The following KIF17 variants were observed in gnomAD, a reference collection of about 807,000 sequenced individuals.
KIF17 encodes kinesin family member 17.
In KIF17, 80 loss-of-function variants were observed where a neutral mutation model predicts 96.8. The ratio of observed to expected loss-of-function variants is 0.83; its 90% CI spans 0.69 to 1.00. The LOEUF is 1.00. KIF17 is among the 50% of genes least tolerant of loss of function. KIF17 has a pLI of 0.00. For missense variants in KIF17, 1,280 were observed against 1,372.9 expected (o/e 0.93, Z 1.07); for synonymous variants, 567 against 587.5 (o/e 0.97, Z 0.51).
At chr1:20,677,670 A>C (rs1448540481) in intron 11 of KIF17, among the ~76,000 whole-genome samples, 2 of 152,150 alleles carry the variant, frequency 1.3e-5, no homozygotes, top group Non-Finnish European at 2.9e-5. Flanking sequence ...CCTGGCCACC[A>C]CAGTGAAACC....
In KIF17 at chr1:20,682,811, G is replaced by T. The variant is rs376783254; in HGVS notation, c.2305C>A (p.Arg769=). 1.9e-6 allele frequency: 3 copies of T among 1,612,492 alleles called. No homozygotes were observed. The highest frequency in any genetic ancestry group is 2.7e-5 in the African/African-American group (2 of 74,946). Residue 769 remains arginine, a synonymous_variant, in exon 11 of 15, where the codon CGG becomes AGG. Transcript: ENST00000400463. ...KNKDLKEKHK[R]RKRYADERRK... ...CGCTCGTCTGCGTAGCGCTTGCGCC[G>T]CTTGTGCTTCTCCTTCAGGTCCTTG...
chr1:20,698,173 A>G (rs962935519), intron 6 of KIF17, among the ~76,000 whole-genome samples: 3 of 152,218 alleles, frequency 2.0e-5, no homozygotes, highest in Non-Finnish European at 2.9e-5. Context: ...TCTGGAGTCA[A>G]GAACTCAAGT....
intron 3 of KIF17, among the ~76,000 whole-genome samples, chr1:20,710,245 G>A (rs1570480398): frequency 6.6e-6 from 1 of 152,202 alleles, no homozygotes; most frequent in Non-Finnish European, 1.5e-5. Flanking sequence ...TTTCCTTTAG[G>A]GAGCTTCAGA....
At chr1:20,715,703 G>T in intron 1 of KIF17, 64 bp from the exon 2 acceptor site, 1 of 1,600,232 alleles carries the variant, frequency 6.2e-7, no homozygotes, top group Non-Finnish European at 8.5e-7. Context: ...TCGGGACAGG[G>T]CTCCCTAACC....
rs1384023617 is a variant in KIF17, at chr1:20,665,164, C to T, written c.2909-402G>A. On this transcript the variant is annotated intron_variant, in intron 14 of 14. Transcript: ENST00000400463. Reference sequence around the variant, plus strand: ...GGCACTCAATTAATCCTATTCCCCCCGCCCCACCCATTCTGTCTCTTAAAT... The same window carrying T: ...GGCACTCAATTAATCCTATTCCCCCTGCCCCACCCATTCTGTCTCTTAAAT... Among the ~76,000 whole-genome samples, 4 of 117,048 alleles carry T rather than the reference C, an allele frequency of 3.4e-5. 1 individual carries two copies. The highest frequency in any genetic ancestry group is 4.6e-4 in the East Asian group (2 of 4,318). The allele number at this position is 117,048 out of a possible 152,430, so 76.8% of individuals were successfully genotyped here. A position where few individuals can be genotyped will look rare whatever the true frequency, so the allele number is the denominator to read the frequency against.
chr1:20,698,866 G>A (rs548008), intron 5 of KIF17, among the ~76,000 whole-genome samples: 6,281 of 152,248 alleles, frequency 0.041, 442 homozygotes, highest in African/African-American at 0.14. Flanking sequence ...TGGGTAACAC[G>A]TTACAAGGCG....
chr1:20,685,975 G>C lies in KIF17; in HGVS notation c.2019+71C>G, dbSNP rs1437584410. On this transcript the variant is annotated intron_variant, in intron 9 of 14. Coordinates refer to ENST00000400463, the MANE Select transcript of KIF17 (RefSeq NM_001122819.3). This position sits in a 1 kb window ranked among gnomAD's most constrained non-coding sequence, Gnocchi z 4.1. ...GAAACTGAAGCTCAGGGAGGGAGAA[G>C]ACAAGCTGGAGTTTCCCAGGAAGTT... The C allele has an allele frequency of 3.2e-6, 4 of 1,242,930 alleles. No individual in the cohort carries two copies. Among genetic ancestry groups the C allele is most frequent in the Non-Finnish European group, 4.6e-6 (4 of 866,056 alleles). The allele number at this position is 1,242,930 out of a possible 1,614,324, so 77.0% of individuals were successfully genotyped here.
At chr1:20,671,255 A>T (rs12569006) in intron 12 of KIF17, among the ~76,000 whole-genome samples, 20,076 of 152,176 alleles carry the variant, frequency 0.13, 1,545 homozygotes, top group East Asian at 0.28. Context: ...GATAACAATG[A>T]CATGCAGCGA....
chr1:20,671,939 T>C lies in KIF17; in HGVS notation c.2721A>G (p.Val907=). The C allele has an allele frequency of 6.2e-7, 1 of 1,613,340 alleles. No homozygotes were observed. Among genetic ancestry groups the C allele is most frequent in the African/African-American group, 1.3e-5 (1 of 75,046 alleles). The change falls in exon 12 of 15, where the codon GTA becomes GTG. Residue 907 remains valine (V), a splice_region_variant and synonymous_variant. Coordinates refer to ENST00000400463, the MANE Select transcript of KIF17 (RefSeq NM_001122819.3). ...GCAAGGGCCAGCCAAGCTCCTGACC[T>C]ACTGGGAGGCTGGTTTTTGTGATGA... is the stretch of plus-strand genomic sequence containing the variant. The part of the protein sequence containing the change: ...HPVITKTSLP[V]VSTGPQNKPA...
chr1:20,705,893 C>CTTTTTTTTTTTTT (rs747719983), intron 4 of KIF17, among the ~76,000 whole-genome samples: 1 of 53,560 alleles, frequency 1.9e-5, no homozygotes. Flanking sequence ...TAGGATGTCT[C>CTTTTTTTTTTTTT]TTTTTTTTTT....
At position 20,684,824 on chromosome 1, in the gene KIF17, T is replaced by A; in HGVS notation, c.2216A>T (p.Gln739Leu). ...TGCTGCTTACCGGGCCAGCACCTGC[T>A]GCTGGTCCACAACGGGCAGCGGGTC... ...TDDPLPVVDQ[Q>L]QVLARLQLLE... is the part of the protein sequence containing the mutation. The change falls in exon 10 of 15, where the codon CAG becomes CTG. Residue 739 changes from glutamine to leucine, a missense_variant. Transcript: ENST00000400463. The A allele has an allele frequency of 6.3e-7, 1 of 1,583,784 alleles. No individual in the cohort carries two copies. Among genetic ancestry groups the A allele is most frequent in the Non-Finnish European group, 8.6e-7 (1 of 1,165,190 alleles).
intron 10 of KIF17, 115 bp from the exon 11 acceptor site, chr1:20,682,999 T>C: frequency 1.2e-6 from 1 of 855,258 alleles, no homozygotes; most frequent in East Asian, 2.6e-5. Flanking sequence ...ACAACCCCAC[T>C]TCACAGGGAG....
Position 20,712,680 on chromosome 1 carries a change from ATC to A in KIF17, c.480+772_480+773del, listed in dbSNP as rs1206776333. Among the ~76,000 whole-genome samples, 51 of 29,048 alleles carry A rather than the reference ATC, an allele frequency of 1.8e-3. 1 individual carries two copies. Among genetic ancestry groups the A allele is most frequent in the African/African-American group, 5.5e-3 (50 of 9,054 alleles). 19.1% of individuals were successfully genotyped at this position (29,048 alleles called of 152,430 possible). A position where few individuals can be genotyped will look rare whatever the true frequency, so the allele number is the denominator to read the frequency against. ...ATCTATATATAATATAGATAATATT[ATC>A]TATATATAATATAGATAATATTATC... is the stretch of plus-strand genomic sequence containing the variant. On this transcript the variant is annotated intron_variant, in intron 3 of 14. Transcript: ENST00000400463.
At chr1:20,692,550 G>T (rs1266175674) in intron 6 of KIF17, among the ~76,000 whole-genome samples, 7 of 151,968 alleles carry the variant, frequency 4.6e-5, no homozygotes, top group Non-Finnish European at 1.0e-4. Flanking sequence ...GTTTCGCCTT[G>T]TCGGTCTTGC....
chr1:20,665,456 G>C (rs1431435417), intron 14 of KIF17, among the ~76,000 whole-genome samples: 1 of 140,298 alleles, frequency 7.1e-6, no homozygotes, highest in Non-Finnish European at 1.5e-5. Flanking sequence ...CCGGAATGCA[G>C]TGGCAGGATC....
chr1:20,712,905 ATT>A (rs1491179663), intron 3 of KIF17, among the ~76,000 whole-genome samples: 2 of 108,836 alleles, frequency 1.8e-5, no homozygotes, highest in African/African-American at 7.4e-5. Flanking sequence ...TATTATCTAT[ATT>A]ATATATATAA....
At chr1:20,680,552 G>A (rs2053812530) in intron 11 of KIF17, among the ~76,000 whole-genome samples, 1 of 152,138 alleles carries the variant, frequency 6.6e-6, no homozygotes, top group African/African-American at 2.4e-5. Flanking sequence ...ACTTCAGCCT[G>A]GGTGACAGAG....
intron 3 of KIF17, 123 bp downstream of exon 3, chr1:20,713,331 G>T: frequency 2.2e-5 from 12 of 539,190 alleles, no homozygotes; most frequent in Non-Finnish European, 3.4e-5. Context: ...AAAAAAAAAA[G>T]TCCCGACTCT....
At position 20,699,933 on chromosome 1, in the gene KIF17, T is replaced by G. The variant is rs539270990; in HGVS notation, c.1124-1445A>C. Among the ~76,000 whole-genome samples, 1 of 152,304 alleles carries G rather than the reference T, an allele frequency of 6.6e-6. No individual in the cohort carries two copies. The highest frequency in any genetic ancestry group is 1.9e-4 in the East Asian group (1 of 5,170). On this transcript the variant is annotated intron_variant, in intron 5 of 14. Transcript: ENST00000400463. This position sits in a 1 kb window ranked among gnomAD's most constrained non-coding sequence, Gnocchi z 4.3. Reference sequence around the variant, plus strand: ...ACAGGGCAGTCACAGGCCTTGCATTTGAACAGGCTCTCCCTGGCTGCTGCG... The same window carrying G: ...ACAGGGCAGTCACAGGCCTTGCATTGGAACAGGCTCTCCCTGGCTGCTGCG...
Sources: allele counts gnomAD v4.1 joint callset (sites outside exome capture counted in the v4.1 genomes callset), GRCh38; gene constraint gnomAD v4.1.1; non-coding constraint Gnocchi (gnomAD v3.1); transcripts MANE v1.5; gene names NCBI Gene and HGNC (gene_info 2026-07-23, HGNC 2026-07-21).